TSC1: variants seen among roughly 807,000 people sequenced by gnomAD.
TSC1 encodes the protein TSC complex subunit 1, also known as hamartin.
In TSC1, 20 loss-of-function variants were observed where a neutral mutation model predicts 124.3. That is an observed-to-expected ratio of 0.16 (90% CI 0.11 to 0.23). The LOEUF is 0.23. Ranked by LOEUF, TSC1 falls within the 10% of genes least tolerant of loss-of-function variation. The probability of loss-of-function intolerance (pLI) is 1.00; values close to 1 mark genes in which losing one functional copy is unlikely to be tolerated. For missense variants in TSC1, 1,124 were observed against 1,448.5 expected (o/e 0.78, Z 3.64); for synonymous variants, 493 against 539.1 (o/e 0.91, Z 1.19).
At chr9:132,900,381 T>C (rs531799431) in intron 20 of TSC1, 243 of 379,306 alleles carry the variant, frequency 6.4e-4, no homozygotes, top group Non-Finnish European at 8.4e-4. Context: ...TCCTGAGAGG[T>C]ATGTTAAACA....
chr9:132,908,598 C>G (rs1456889398), intron 12 of TSC1, among the ~76,000 whole-genome samples: 2 of 151,474 alleles, frequency 1.3e-5, no homozygotes, highest in African/African-American at 4.9e-5. Context: ...TACAGATGCA[C>G]ATCACCACAC....
rs2132146606 is a variant in TSC1, at chr9:132,921,773, C to G, written c.663+46G>C. 1 of 1,610,994 alleles carries G rather than the reference C, an allele frequency of 6.2e-7. No homozygotes were observed. The highest frequency in any genetic ancestry group is 8.5e-7 in the Non-Finnish European group (1 of 1,177,680). ...TACAAAAGGTATAAATGCAGCCTAT[C>G]TAAACAGTATACTAAGTAGCAAACA... On this transcript the variant is annotated intron_variant, in intron 7 of 22. Coordinates refer to ENST00000298552, the MANE Select transcript of TSC1 (RefSeq NM_000368.5). This position sits in a 1 kb window ranked among gnomAD's most constrained non-coding sequence, Gnocchi z 4.3.
intron 20 of TSC1, chr9:132,899,711 T>G (rs1218298837): frequency 6.6e-6 from 1 of 152,188 alleles, no homozygotes. Context: ...TCACCCGTTT[T>G]ATGAACTGGG....
rs753388676 is a variant in TSC1 at position 132,896,536 on chromosome 9, G to A, written c.3194C>T (p.Thr1065Met). Residue 1065 changes from threonine (T) to methionine (M), a missense_variant, in exon 23 of 23, where the codon ACG becomes ATG. By Grantham distance (81) the Thr-to-Met change is moderately conservative (BLOSUM62 -1). Coordinates refer to ENST00000298552, the MANE Select transcript of TSC1 (RefSeq NM_000368.5). This position sits in a 1 kb window ranked among gnomAD's most constrained non-coding sequence, Gnocchi z 4.5. ...GCTGGCAGACGCTTCTCCCATAGTC[G>A]TCTCCCACCGACTGCTGAATGGGCC... is the stretch of plus-strand genomic sequence containing the variant. The part of the protein sequence containing the change: ...RAGPFSSRWE[T>M]TMGEASASIP... 1.9e-5 allele frequency: 30 copies of A among 1,614,062 alleles called. No homozygotes were observed. The highest frequency in any genetic ancestry group is 5.5e-5 in the South Asian group (5 of 91,080).
At chr9:132,929,857 T>C (rs1456068851) in intron 2 of TSC1, among the ~76,000 whole-genome samples, 1 of 152,154 alleles carries the variant, frequency 6.6e-6, no homozygotes, top group African/African-American at 2.4e-5. Context: ...GTCACAAAGC[T>C]AGCAAGAGGC....
In TSC1 at chr9:132,900,569, T is replaced by C; in HGVS notation, c.2625+146A>G. On this transcript the variant is annotated intron_variant, in intron 20 of 22. Transcript: ENST00000298552. ...TCACATGGTGGCTGGAAAGTGCTTG[T>C]ATAGCTGGACCACGGAGTAGTGGGA... 11 of 1,366,706 alleles carry C rather than the reference T, an allele frequency of 8.0e-6. No individual in the cohort carries two copies. In the South Asian group the frequency reaches 1.2e-4, roughly 15 times the overall value. The allele number at this position is 1,366,706 out of a possible 1,614,324, so 84.7% of individuals were successfully genotyped here.
Position 132,896,086 on chromosome 9 carries a change from A to G in TSC1, c.*149T>C, listed in dbSNP as rs1469446868. The G allele has an allele frequency of 8.3e-7, 1 of 1,206,816 alleles. No homozygotes were observed. The highest frequency in any genetic ancestry group is 1.5e-5 in the African/African-American group (1 of 67,342). 74.8% of individuals were successfully genotyped at this position (1,206,816 alleles called of 1,614,324 possible). The stretch of plus-strand genomic sequence containing the variant: ...ATGCCAGATCCAAAAACCGTTCTGC[A>G]TTCAGTCAGCTGTCCAAAGGACCTC... On this transcript the variant is annotated 3_prime_UTR_variant, in exon 23 of 23. Coordinates refer to ENST00000298552, the MANE Select transcript of TSC1 (RefSeq NM_000368.5). The surrounding 1 kb of genome is among the most constrained non-coding windows in gnomAD (Gnocchi z 4.5).
chr9:132,891,689 C>T lies in TSC1; in HGVS notation c.*4546G>A. On this transcript the variant is annotated 3_prime_UTR_variant, in exon 23 of 23. Coordinates refer to ENST00000298552, the MANE Select transcript of TSC1 (RefSeq NM_000368.5). Reference sequence around the variant, plus strand: ...GTTCATTCATGATTGAGTTATAAAACTAGATTATGTCTTAGCAAAATCTGT... The same window carrying T: ...GTTCATTCATGATTGAGTTATAAAATTAGATTATGTCTTAGCAAAATCTGT... 4.3e-6 allele frequency: 1 copy of T among 233,724 alleles called. No individual in the cohort carries two copies. Among genetic ancestry groups the T allele is most frequent in the East Asian group, 6.0e-5 (1 of 16,582 alleles). 14.5% of individuals were successfully genotyped at this position (233,724 alleles called of 1,614,324 possible).
chr9:132,935,975 T>C (rs866219171), intron 1 of TSC1, among the ~76,000 whole-genome samples: 5 of 152,178 alleles, frequency 3.3e-5, no homozygotes, highest in Non-Finnish European at 5.9e-5. Context: ...ATAAGCTTGA[T>C]TGATTACTGA....
At position 132,905,660 on chromosome 9, in the gene TSC1, C is replaced by T. The variant is rs1845611376; in HGVS notation, c.1918G>A (p.Val640Met). ...ACTTCCATTGGGGAGGTAGAGGGCACACCATCTTCCTCTGTGTTTCCTTTT... is the reference window on the plus strand; with the variant it reads ...ACTTCCATTGGGGAGGTAGAGGGCATACCATCTTCCTCTGTGTTTCCTTTT... ...KAKGNTEEDG[V>M]PSTSPMEVLD... The change falls in exon 15 of 23, where the codon GTG (valine) becomes ATG (methionine). Residue 640 changes from valine to methionine, a missense_variant. This residue lies in a region of TSC1 where 321 missense variants were observed against 397.4 expected (regional missense o/e 0.81). Transcript: ENST00000298552. The T allele has an allele frequency of 1.2e-6, 2 of 1,614,252 alleles. No individual in the cohort carries two copies. Among genetic ancestry groups the T allele is most frequent in the Non-Finnish European group, 1.7e-6 (2 of 1,180,044 alleles).
At chr9:132,910,350 G>A in intron 12 of TSC1, 1 of 724,652 alleles carries the variant, frequency 1.4e-6, no homozygotes, top group Non-Finnish European at 2.3e-6. Flanking sequence ...GACCTGCTGG[G>A]TTCCCCACAA....
At chr9:132,914,213 A>G (rs965991564) in intron 8 of TSC1, among the ~76,000 whole-genome samples, 1 of 152,038 alleles carries the variant, frequency 6.6e-6, no homozygotes, top group African/African-American at 2.4e-5. Context: ...AATATTTTTA[A>G]AACTGTCTAA....
chr9:132,896,110 TCCGTC>T lies in TSC1; in HGVS notation c.*120_*124del. The T allele has an allele frequency of 7.0e-7, 1 of 1,432,708 alleles. No homozygotes were observed. Among genetic ancestry groups the T allele is most frequent in the Non-Finnish European group, 9.7e-7 (1 of 1,028,094 alleles). The allele number at this position is 1,432,708 out of a possible 1,614,324, so 88.7% of individuals were successfully genotyped here. A position where few individuals can be genotyped will look rare whatever the true frequency, so the allele number is the denominator to read the frequency against. On this transcript the variant is annotated 3_prime_UTR_variant, in exon 23 of 23. Transcript: ENST00000298552. The surrounding 1 kb of genome is among the most constrained non-coding windows in gnomAD (Gnocchi z 4.5). Reference sequence around the variant, plus strand: ...CATTCAGTCAGCTGTCCAAAGGACCTCCGTCCCATTTCCACACATGAACTTGCACT... The same window carrying T: ...CATTCAGTCAGCTGTCCAAAGGACCTCCATTTCCACACATGAACTTGCACT...
At chr9:132,937,345 A>C (rs1006685989) in intron 1 of TSC1, among the ~76,000 whole-genome samples, 1 of 152,238 alleles carries the variant, frequency 6.6e-6, no homozygotes, top group African/African-American at 2.4e-5. Context: ...CGGGAGGCTA[A>C]GGCAGGAGAA....
At chr9:132,929,889 A>G (rs1326651946) in intron 2 of TSC1, among the ~76,000 whole-genome samples, 1 of 152,130 alleles carries the variant, frequency 6.6e-6, no homozygotes, top group Non-Finnish European at 1.5e-5. Flanking sequence ...AGAAAAACTG[A>G]TATTGGAAGC....
chr9:132,934,419 T>C (rs1847355144), intron 2 of TSC1: 2 of 152,244 alleles, frequency 1.3e-5, no homozygotes, highest in African/African-American at 4.8e-5. Flanking sequence ...CCAAAATTAA[T>C]TTAAAGCAAC....
intron 20 of TSC1, chr9:132,900,319 CA>C: frequency 3.9e-6 from 1 of 257,402 alleles, no homozygotes; most frequent in South Asian, 4.3e-5. Context: ...TGCAGAAATC[CA>C]ACATTAAAAG....
In TSC1 at chr9:132,928,850, C is replaced by T. The variant is rs1269896419; in HGVS notation, c.23G>A (p.Gly8Glu). MAQQANV[G>E]ELLAMLDSPM... is the part of the protein sequence containing the mutation. Reference sequence around the variant, plus strand: ...GGAGTCCAGCATGGCAAGAAGCTCCCCGACATTTGCTTGTTGGGCCATTCT... The same window carrying T: ...GGAGTCCAGCATGGCAAGAAGCTCCTCGACATTTGCTTGTTGGGCCATTCT... Residue 8 changes from glycine (G) to glutamate (E), a missense_variant, in exon 3 of 23, where the codon GGG becomes GAG. By Grantham distance (98) the Gly-to-Glu change is moderately conservative. Transcript: ENST00000298552. 6.2e-7 allele frequency: 1 copy of T among 1,614,194 alleles called. No homozygotes were observed. The highest frequency in any genetic ancestry group is 1.7e-5 in the Admixed American group (1 of 60,026).
At chr9:132,922,008 T>C (rs2132164246) in intron 6 of TSC1, 35 bp from the exon 7 acceptor site, 1 of 1,613,824 alleles carries the variant, frequency 6.2e-7, no homozygotes. Context: ...AGCCTCTTAG[T>C]TGGAGACAGA....
Sources: allele counts gnomAD v4.1 joint callset (sites outside exome capture counted in the v4.1 genomes callset), GRCh38; gene constraint gnomAD v4.1.1; regional missense constraint gnomAD v4.1.1; non-coding constraint Gnocchi (gnomAD v3.1); transcripts MANE v1.5; gene names NCBI Gene and HGNC (gene_info 2026-07-23, HGNC 2026-07-21).